Variants in ADGRL3 observed in about 807,000 individuals in gnomAD.
The protein encoded by ADGRL3 is adhesion G protein-coupled receptor L3.
A neutral mutation model predicts 153.5 loss-of-function variants in ADGRL3; 62 were observed. The observed-to-expected ratio is 0.40, with a 90% CI of 0.33 to 0.50. The LOEUF (loss-of-function observed/expected upper bound fraction) is 0.50, where lower values mean the gene tolerates loss of function less well. Among genes scored for constraint, ADGRL3 ranks in the 20% least tolerant of loss-of-function variants. The pLI is 0.47. For missense variants in ADGRL3, 1,641 were observed against 1,859.4 expected, an observed-to-expected ratio of 0.88 and a Z score of 2.16; for synonymous variants, 710 against 672.5, an observed-to-expected ratio of 1.06 and a Z score of -0.86.
intron 5 of ADGRL3, among the ~76,000 whole-genome samples, chr4:61,651,979 G>GA (rs1561003997): frequency 6.6e-6 from 1 of 151,734 alleles, no homozygotes; most frequent in African/African-American, 2.4e-5. Flanking sequence ...ATTAAAAAAA[G>GA]AAAAAATGTA....
intron 17 of ADGRL3, among the ~76,000 whole-genome samples, chr4:61,971,727 T>G (rs536484821): frequency 1.3e-5 from 2 of 152,230 alleles, no homozygotes; most frequent in African/African-American, 4.8e-5. Context: ...CCTGAGGAAT[T>G]GCCACACTGA....
intron 5 of ADGRL3, among the ~76,000 whole-genome samples, chr4:61,654,680 C>T (rs940380222): frequency 5.3e-5 from 8 of 152,110 alleles, no homozygotes; most frequent in Admixed American, 6.6e-5. Context: ...GGGCAGATCA[C>T]GAGGTCAGGA....
intron 5 of ADGRL3, among the ~76,000 whole-genome samples, chr4:61,672,223 T>G (rs2095033200): frequency 6.6e-6 from 1 of 152,148 alleles, no homozygotes; most frequent in Admixed American, 6.6e-5. Flanking sequence ...TTGAGTTGGC[T>G]TTTTATATCA....
At chr4:61,244,879 C>T (rs1445029174) in intron 1 of ADGRL3, among the ~76,000 whole-genome samples, 1 of 24,830 alleles carries the variant, frequency 4.0e-5, no homozygotes, top group Non-Finnish European at 8.5e-5. Context: ...ATTTCTACCA[C>T]TCATCTTTGC....
chr4:61,643,897 C>A (rs1450543287), intron 5 of ADGRL3, among the ~76,000 whole-genome samples: 1 of 146,492 alleles, frequency 6.8e-6, no homozygotes, highest in Non-Finnish European at 1.5e-5. Context: ...TGGTAGAATT[C>A]GGCTGTGAAT....
chr4:61,226,686 C>G (rs1482924109), intron 1 of ADGRL3, among the ~76,000 whole-genome samples: 1 of 152,056 alleles, frequency 6.6e-6, no homozygotes, highest in East Asian at 1.9e-4. Flanking sequence ...TGAGAAGTTT[C>G]TACTTCTATT....
At chr4:61,349,765 G>A (rs564696809) in intron 1 of ADGRL3, among the ~76,000 whole-genome samples, 2 of 152,098 alleles carry the variant, frequency 1.3e-5, no homozygotes, top group South Asian at 4.2e-4. Flanking sequence ...ATTAAACTGC[G>A]GGGCCTATAA....
chr4:61,381,368 G>A (rs1425135952), intron 1 of ADGRL3, among the ~76,000 whole-genome samples: 1 of 149,400 alleles, frequency 6.7e-6, no homozygotes, highest in African/African-American at 2.5e-5. Context: ...TGTTTACCCA[G>A]TCAGCATTTC....
At chr4:61,857,728 CTCTT>C (rs753551795) in intron 9 of ADGRL3, among the ~76,000 whole-genome samples, 10 of 121,446 alleles carry the variant, frequency 8.2e-5, no homozygotes, top group Non-Finnish European at 1.4e-4. Context: ...TCTTTCTTCT[CTCTT>C]TCTTTCTTTT....
chr4:61,574,988 A>G (rs1346512916), intron 4 of ADGRL3, among the ~76,000 whole-genome samples: 16 of 152,020 alleles, frequency 1.1e-4, no homozygotes, highest in Admixed American at 7.9e-4. Context: ...TATCTTTTAC[A>G]TCAATTGAAT....
chr4:61,460,689 A>G (rs1298821781), intron 2 of ADGRL3, among the ~76,000 whole-genome samples: 1 of 152,164 alleles, frequency 6.6e-6, no homozygotes, highest in African/African-American at 2.4e-5. Context: ...CCTCACAATC[A>G]TGGTGGAAGG....
intron 8 of ADGRL3, 107 bp from the exon 9 acceptor site, chr4:61,813,702 G>C: frequency 7.7e-7 from 1 of 1,291,716 alleles, no homozygotes; most frequent in Non-Finnish European, 1.1e-6. Flanking sequence ...TTTAATTTAG[G>C]CTATTAATTC....
chr4:61,503,836 T>C (rs2098408983), intron 3 of ADGRL3, among the ~76,000 whole-genome samples: 1 of 152,018 alleles, frequency 6.6e-6, no homozygotes, highest in Non-Finnish European at 1.5e-5. Flanking sequence ...CAAATTGGAG[T>C]ACTTAGGATA....
chr4:61,325,339 A>G (rs887317567), intron 1 of ADGRL3, among the ~76,000 whole-genome samples: 2 of 152,240 alleles, frequency 1.3e-5, no homozygotes, highest in Middle Eastern at 3.4e-3. Flanking sequence ...ACAAATGAAC[A>G]AAAAATAGCA....
intron 1 of ADGRL3, among the ~76,000 whole-genome samples, chr4:61,241,608 A>T (rs1268400670): frequency 6.6e-6 from 1 of 152,054 alleles, no homozygotes; most frequent in African/African-American, 2.4e-5. Flanking sequence ...TGCAGTTTGA[A>T]TTGGAAGTGA....
chr4:61,580,627 C>A (rs1435294722), intron 4 of ADGRL3, among the ~76,000 whole-genome samples: 1 of 151,902 alleles, frequency 6.6e-6, no homozygotes, highest in Non-Finnish European at 1.5e-5. Context: ...TTGGGTATAG[C>A]CCCGGGGTTT....
intron 21 of ADGRL3, among the ~76,000 whole-genome samples, chr4:62,010,539 A>C (rs571125520): frequency 6.6e-6 from 1 of 152,182 alleles, no homozygotes; most frequent in Non-Finnish European, 1.5e-5. Flanking sequence ...GTCTGGAAAT[A>C]TATTTGTGAA....
chr4:61,445,329 G>C (rs553909567), intron 2 of ADGRL3, among the ~76,000 whole-genome samples: 2 of 152,218 alleles, frequency 1.3e-5, no homozygotes, highest in South Asian at 4.1e-4. Flanking sequence ...ATCAACCTGA[G>C]GGCTAGCTAA....
chr4:62,000,424 TATG>T (rs1216494148), intron 21 of ADGRL3, among the ~76,000 whole-genome samples: 1 of 152,042 alleles, frequency 6.6e-6, no homozygotes, highest in Non-Finnish European at 1.5e-5. Context: ...GGTGAATCTT[TATG>T]ATATCATTGT....
Sources: gnomAD v4.1 joint callset for allele counts (sites outside exome capture counted in the v4.1 genomes callset) on GRCh38, gnomAD v4.1.1 for gene constraint, MANE v1.5 for transcripts, NCBI Gene and HGNC (gene_info 2026-07-23, HGNC 2026-07-21) for gene names.